The following DCC variants were observed in gnomAD, a reference collection of about 807,000 sequenced individuals.
DCC encodes the protein DCC netrin 1 receptor, also known as netrin receptor DCC.
In DCC, 58 loss-of-function variants were observed where a neutral mutation model predicts 172.5. The observed-to-expected ratio is 0.34, with a 90% CI of 0.27 to 0.42. The LOEUF is 0.42. DCC is among the 10% of genes least tolerant of loss of function. DCC has a pLI of 1.00. For synonymous variants in DCC, 709 were observed against 644.5 expected (o/e 1.10, Z -1.52); for missense variants, 1,740 against 1,791.0 (o/e 0.97, Z 0.51).
At chr18:52,711,289 G>A (rs148873162) in intron 1 of DCC, among the ~76,000 whole-genome samples, 8 of 152,030 alleles carry the variant, frequency 5.3e-5, no homozygotes, top group African/African-American at 1.2e-4. Flanking sequence ...GTGCAATGGC[G>A]CAATCTTGGC....
At chr18:53,120,319 TTAGAA>T (rs2043466841) in intron 7 of DCC, among the ~76,000 whole-genome samples, 1 of 151,806 alleles carries the variant, frequency 6.6e-6, no homozygotes, top group South Asian at 2.1e-4. Context: ...CGTTTTAAAT[TTAGAA>T]TATAACCTTA....
chr18:53,476,614 T>A (rs888734282), intron 25 of DCC, among the ~76,000 whole-genome samples: 1 of 152,238 alleles, frequency 6.6e-6, no homozygotes, highest in Non-Finnish European at 1.5e-5. Flanking sequence ...CTTATTTATT[T>A]ATTTTTTTTG....
intron 5 of DCC, 95 bp downstream of exon 5, chr18:52,925,465 A>T (rs891274787): frequency 7.5e-7 from 1 of 1,333,764 alleles, no homozygotes; most frequent in Non-Finnish European, 1.1e-6. Context: ...TCCTATGTTT[A>T]TTAGTGTGAA....
At chr18:53,301,928 G>C (rs2057146504) in intron 12 of DCC, among the ~76,000 whole-genome samples, 1 of 152,082 alleles carries the variant, frequency 6.6e-6, no homozygotes, top group Non-Finnish European at 1.5e-5. Flanking sequence ...AGACTGGGTG[G>C]CTTAAAAAAC....
chr18:52,893,095 A>T (rs1429480237), intron 2 of DCC, among the ~76,000 whole-genome samples: 1 of 152,168 alleles, frequency 6.6e-6, no homozygotes, highest in Non-Finnish European at 1.5e-5. Flanking sequence ...ATAATACGGA[A>T]TAAAGGCTTT....
intron 1 of DCC, among the ~76,000 whole-genome samples, chr18:52,448,454 T>C (rs1303534369): frequency 1.3e-5 from 2 of 151,532 alleles, no homozygotes; most frequent in African/African-American, 4.9e-5. Flanking sequence ...GATAGATAAA[T>C]TTATAGAGTT....
intron 5 of DCC, among the ~76,000 whole-genome samples, chr18:53,019,207 C>A (rs910213424): frequency 6.6e-6 from 1 of 152,170 alleles, no homozygotes; most frequent in Non-Finnish European, 1.5e-5. Context: ...TTTCCCAACT[C>A]AATGTTACTT....
intron 1 of DCC, among the ~76,000 whole-genome samples, chr18:52,652,741 G>GTGTGTGTGTGTGTGTGTGTGTGTGTGT (rs1555709976): frequency 7.0e-5 from 3 of 43,138 alleles, no homozygotes; most frequent in African/African-American, 1.8e-4. Context: ...TGTGTGTGTG[G>GTGTGTGTGTGTGTGTGTGTGTGTGTGT]GTGGAGGAGG....
chr18:53,279,697 T>C (rs893217076), intron 12 of DCC, among the ~76,000 whole-genome samples: 9 of 149,640 alleles, frequency 6.0e-5, no homozygotes, highest in African/African-American at 2.2e-4. Flanking sequence ...ATGCCCATCA[T>C]TGGTAAACTG....
At chr18:53,229,319 G>C (rs1490109461) in intron 12 of DCC, among the ~76,000 whole-genome samples, 1 of 152,116 alleles carries the variant, frequency 6.6e-6, no homozygotes, top group African/African-American at 2.4e-5. Context: ...TGTCTTGCAA[G>C]AATCAATTGT....
rs1431195 is a variant in DCC at position 53,305,563 on chromosome 18, C to G, written c.1912-15C>G. ...TCTTTCTTCAATGTTTTAATTTACA[C>G]CTATTATTTTACAGAGTATCAAAGT... On this transcript the variant is annotated splice_polypyrimidine_tract_variant and intron_variant, in intron 12 of 28. Coordinates refer to ENST00000442544, the MANE Select transcript of DCC (RefSeq NM_005215.4). 6.2e-7 allele frequency: 1 copy of G among 1,600,058 alleles called. No individual in the cohort carries two copies.
At chr18:52,956,465 T>A (rs1258384265) in intron 5 of DCC, among the ~76,000 whole-genome samples, 1 of 152,120 alleles carries the variant, frequency 6.6e-6, no homozygotes, top group African/African-American at 2.4e-5. Flanking sequence ...TACCATACTG[T>A]CTTGATTACT....
intron 2 of DCC, among the ~76,000 whole-genome samples, chr18:52,843,603 C>T (rs1016808924): frequency 2.6e-5 from 4 of 152,106 alleles, no homozygotes; most frequent in African/African-American, 7.2e-5. Flanking sequence ...CCGTTGTTTC[C>T]TTTCAAACAT....
intron 1 of DCC, among the ~76,000 whole-genome samples, chr18:52,401,837 A>G (rs1269173686): frequency 1.3e-5 from 2 of 152,020 alleles, no homozygotes; most frequent in African/African-American, 4.8e-5. Context: ...TATTTCTGAC[A>G]TAGCTGTTCT....
chr18:52,406,644 G>A (rs78583766), intron 1 of DCC, among the ~76,000 whole-genome samples: 124 of 152,152 alleles, frequency 8.1e-4, no homozygotes, highest in African/African-American at 2.8e-3. Flanking sequence ...TAAAGGGCTA[G>A]CTAATCCTTT....
intron 12 of DCC, among the ~76,000 whole-genome samples, chr18:53,235,798 A>G (rs1179353081): frequency 6.6e-6 from 1 of 152,144 alleles, no homozygotes; most frequent in Non-Finnish European, 1.5e-5. Flanking sequence ...TCCCTAAGAA[A>G]CTGGTAACCA....
chr18:52,876,001 G>A (rs894916908), intron 2 of DCC, among the ~76,000 whole-genome samples: 6 of 151,960 alleles, frequency 3.9e-5, no homozygotes, highest in Non-Finnish European at 8.8e-5. Flanking sequence ...AAAATAAAAG[G>A]AATGTGTAGT....
intron 2 of DCC, among the ~76,000 whole-genome samples, chr18:52,755,288 G>T (rs932397087): frequency 3.3e-5 from 5 of 152,158 alleles, no homozygotes; most frequent in African/African-American, 1.2e-4. Context: ...TAATGAAAAT[G>T]GCCTGTTACA....
At chr18:52,381,082 G>T (rs1985565012) in intron 1 of DCC, among the ~76,000 whole-genome samples, 1 of 152,108 alleles carries the variant, frequency 6.6e-6, no homozygotes, top group Non-Finnish European at 1.5e-5. Flanking sequence ...AAGGAAAAAG[G>T]GGGGCACTAA....
Sources: gnomAD v4.1 joint callset for allele counts (sites outside exome capture counted in the v4.1 genomes callset) on GRCh38, gnomAD v4.1.1 for gene constraint, MANE v1.5 for transcripts, NCBI Gene and HGNC (gene_info 2026-07-23, HGNC 2026-07-21) for gene names.